AKR1C8: variants seen among roughly 807,000 people sequenced by gnomAD.
AKR1C8 encodes aldo-keto reductase family 1 member C-like protein 1.
At chr10:5,180,314 T>C in the AKR1C8 span, among the ~76,000 whole-genome samples, 1 of 152,224 alleles carries the variant, frequency 6.6e-6, no homozygotes, top group Non-Finnish European at 1.5e-5. Context: ...CGAATGCTGC[T>C]GTCTGATCAT....
the AKR1C8 span, among the ~76,000 whole-genome samples, chr10:5,144,433 G>T: frequency 6.6e-6 from 1 of 151,982 alleles, no homozygotes; most frequent in Non-Finnish European, 1.5e-5. Flanking sequence ...AGCTTGATGG[G>T]GATGGCATTG....
the AKR1C8 span, among the ~76,000 whole-genome samples, chr10:5,165,774 T>C: frequency 6.6e-6 from 1 of 152,124 alleles, no homozygotes; most frequent in South Asian, 2.1e-4. Context: ...AAACAGTCCC[T>C]TCATTAAAGG....
chr10:5,153,746 C>G, the AKR1C8 span, among the ~76,000 whole-genome samples: 4 of 151,986 alleles, frequency 2.6e-5, no homozygotes, highest in African/African-American at 9.7e-5. Flanking sequence ...GGGTAAAGAC[C>G]GCCCCTATGA....
the AKR1C8 span, among the ~76,000 whole-genome samples, chr10:5,181,424 T>A: frequency 6.6e-6 from 1 of 152,196 alleles, no homozygotes; most frequent in African/African-American, 2.4e-5. Context: ...TAATCTGAAA[T>A]TCTGTTTCAT....
At chr10:5,138,822 G>C in the AKR1C8 span, among the ~76,000 whole-genome samples, 3 of 152,208 alleles carry the variant, frequency 2.0e-5, no homozygotes, top group South Asian at 6.2e-4. Flanking sequence ...AATCAGGCAA[G>C]AGAAAGAAAT....
the AKR1C8 span, chr10:5,123,634 C>T: frequency 7.4e-7 from 1 of 1,351,438 alleles, no homozygotes; most frequent in East Asian, 2.4e-5. Flanking sequence ...GAGTAAACTC[C>T]AGGAAAGAGA....
chr10:5,140,455 T>C, the AKR1C8 span, among the ~76,000 whole-genome samples: 6 of 152,144 alleles, frequency 3.9e-5, no homozygotes, highest in African/African-American at 1.4e-4. Context: ...CACCATGGAA[T>C]ACTATGCAGC....
At chr10:5,120,821 T>G in the AKR1C8 span, among the ~76,000 whole-genome samples, 2 of 152,156 alleles carry the variant, frequency 1.3e-5, no homozygotes, top group African/African-American at 4.8e-5. Flanking sequence ...ATTTCTGAAA[T>G]AGTCATATTT....
the AKR1C8 span, among the ~76,000 whole-genome samples, chr10:5,184,135 G>A: frequency 6.6e-6 from 1 of 152,122 alleles, no homozygotes; most frequent in Non-Finnish European, 1.5e-5. Flanking sequence ...ATTGGTCCCA[G>A]ACCAAGGTCC....
chr10:5,134,557 G>A, the AKR1C8 span, among the ~76,000 whole-genome samples: 1 of 152,066 alleles, frequency 6.6e-6, no homozygotes, highest in South Asian at 2.1e-4. Flanking sequence ...CGAGGTTCTA[G>A]TTTTTTCTTA....
chr10:5,137,169 C>A, the AKR1C8 span, among the ~76,000 whole-genome samples: 1 of 152,084 alleles, frequency 6.6e-6, no homozygotes, highest in Non-Finnish European at 1.5e-5. Flanking sequence ...AGAAACTATT[C>A]CCTCACTGGG....
the AKR1C8 span, among the ~76,000 whole-genome samples, chr10:5,117,484 A>G: frequency 3.9e-5 from 6 of 152,180 alleles, no homozygotes; most frequent in African/African-American, 1.4e-4. Context: ...CACAAATGGT[A>G]TGTCTGTGAT....
the AKR1C8 span, among the ~76,000 whole-genome samples, chr10:5,142,885 T>C: frequency 3.3e-5 from 5 of 152,096 alleles, no homozygotes; most frequent in Admixed American, 1.3e-4. Flanking sequence ...GCTTGTTCAA[T>C]GCAGGGTTGC....
the AKR1C8 span, among the ~76,000 whole-genome samples, chr10:5,134,150 C>A: frequency 6.6e-6 from 1 of 152,264 alleles, no homozygotes; most frequent in South Asian, 2.1e-4. Flanking sequence ...GATGCCAGGT[C>A]TCACTGCCTT....
chr10:5,176,685 G>T, the AKR1C8 span, among the ~76,000 whole-genome samples: 6 of 152,048 alleles, frequency 3.9e-5, no homozygotes, highest in Non-Finnish European at 7.4e-5. Flanking sequence ...CCTTGAAGAG[G>T]TCCTTCACAT....
the AKR1C8 span, among the ~76,000 whole-genome samples, chr10:5,128,268 C>T: frequency 6.6e-6 from 1 of 152,100 alleles, no homozygotes; most frequent in African/African-American, 2.4e-5. Flanking sequence ...TTCTACAAGG[C>T]ATGCTATAAG....
At chr10:5,139,979 G>C in the AKR1C8 span, among the ~76,000 whole-genome samples, 5 of 152,088 alleles carry the variant, frequency 3.3e-5, no homozygotes, top group African/African-American at 7.2e-5. Flanking sequence ...ATCAAAAAGT[G>C]GGCAAAGGAC....
At chr10:5,135,700 T>C in the AKR1C8 span, among the ~76,000 whole-genome samples, 2 of 152,186 alleles carry the variant, frequency 1.3e-5, no homozygotes, top group Non-Finnish European at 2.9e-5. Context: ...GCCGTGATGA[T>C]GTTTCATCTT....
At chr10:5,123,360 G>A in the AKR1C8 span, 76 of 311,484 alleles carry the variant, frequency 2.4e-4, 1 homozygote, top group African/African-American at 1.6e-3. Context: ...AGAGCAATCA[G>A]GGCTGGGGAT....
Sources: gnomAD v4.1 joint callset for allele counts (sites outside exome capture counted in the v4.1 genomes callset) on GRCh38, gnomAD v4.1.1 for gene constraint, MANE v1.5 for transcripts, NCBI Gene and HGNC (gene_info 2026-07-23, HGNC 2026-07-21) for gene names.